THSD7B: variants seen among roughly 807,000 people sequenced by gnomAD.
THSD7B encodes the protein thrombospondin type 1 domain containing 7B.
A neutral mutation model predicts 213.6 loss-of-function variants in THSD7B; 138 were observed. The observed-to-expected ratio is 0.65, with a 90% CI of 0.56 to 0.74. The LOEUF is 0.74. Ranked by LOEUF, THSD7B falls within the 30% of genes least tolerant of loss-of-function variation. The pLI, the probability that THSD7B is intolerant of heterozygous loss-of-function variation, is 0.00. For missense variants in THSD7B, 1,931 were observed against 1,991.5 expected, an observed-to-expected ratio of 0.97 and a Z score of 0.58; for synonymous variants, 742 against 687.0, an observed-to-expected ratio of 1.08 and a Z score of -1.25.
At chr2:136,791,843 G>A (rs577492723) in intron 1 of THSD7B, among the ~76,000 whole-genome samples, 35 of 152,024 alleles carry the variant, frequency 2.3e-4, no homozygotes, top group Non-Finnish European at 4.6e-4. Flanking sequence ...ATGCTGCTAC[G>A]AACATTTATG....
At chr2:137,392,072 A>G (rs781243773) in intron 12 of THSD7B, among the ~76,000 whole-genome samples, 16 of 151,934 alleles carry the variant, frequency 1.1e-4, no homozygotes, top group Non-Finnish European at 1.0e-4. Context: ...TCTTGTTACC[A>G]CCCCTTTCTA....
At chr2:137,015,405 C>A (rs181743708) in intron 2 of THSD7B, among the ~76,000 whole-genome samples, 75 of 152,240 alleles carry the variant, frequency 4.9e-4, no homozygotes, top group Non-Finnish European at 9.7e-4. Context: ...AGTAATCTCT[C>A]ACGTGTCCTC....
chr2:137,564,259 T>C (rs914557144), intron 16 of THSD7B, among the ~76,000 whole-genome samples: 6 of 152,202 alleles, frequency 3.9e-5, no homozygotes, highest in Admixed American at 3.9e-4. Context: ...GTTATGTCAT[T>C]GATTGTTATT....
intron 2 of THSD7B, among the ~76,000 whole-genome samples, chr2:136,956,999 T>G (rs1573733261): frequency 6.6e-6 from 1 of 152,122 alleles, no homozygotes; most frequent in Non-Finnish European, 1.5e-5. Context: ...TTTATTAGGC[T>G]TCTTTAGTGG....
At chr2:136,869,875 T>C (rs1216552671) in intron 1 of THSD7B, among the ~76,000 whole-genome samples, 2 of 152,138 alleles carry the variant, frequency 1.3e-5, no homozygotes. Flanking sequence ...AGTTTGAGCC[T>C]GGCATGGCCA....
At chr2:137,661,768 T>C (rs566413176) in intron 25 of THSD7B, among the ~76,000 whole-genome samples, 1 of 152,156 alleles carries the variant, frequency 6.6e-6, no homozygotes, top group South Asian at 2.1e-4. Context: ...GTAGAGGTCG[T>C]TTTCCCTCTC....
chr2:137,267,278 T>C (rs913070089), intron 10 of THSD7B, among the ~76,000 whole-genome samples: 28 of 152,342 alleles, frequency 1.8e-4, no homozygotes, highest in African/African-American at 6.7e-4. Flanking sequence ...TTATTAGTCA[T>C]AATCATGCTT....
intron 2 of THSD7B, among the ~76,000 whole-genome samples, chr2:137,026,711 C>A (rs1465434991): frequency 6.6e-6 from 1 of 152,160 alleles, no homozygotes; most frequent in Non-Finnish European, 1.5e-5. Context: ...CCATCTGAAA[C>A]AATATATTTG....
chr2:137,442,212 A>G (rs1447028740), intron 14 of THSD7B, among the ~76,000 whole-genome samples: 2 of 152,156 alleles, frequency 1.3e-5, no homozygotes, highest in Non-Finnish European at 2.9e-5. Context: ...AAATATATAT[A>G]TATAAGCTCA....
chr2:137,175,984 T>A (rs958379156), intron 7 of THSD7B, among the ~76,000 whole-genome samples: 3 of 152,250 alleles, frequency 2.0e-5, no homozygotes, highest in Non-Finnish European at 4.4e-5. Flanking sequence ...TTTTAAACTC[T>A]TCGATTATGT....
chr2:137,136,738 C>T (rs1000128166), intron 5 of THSD7B, among the ~76,000 whole-genome samples: 7 of 152,194 alleles, frequency 4.6e-5, no homozygotes, highest in African/African-American at 1.7e-4. Context: ...ACATTATCAT[C>T]CTCCAAACTC....
chr2:137,462,986 G>T (rs576176650), intron 15 of THSD7B, among the ~76,000 whole-genome samples: 1 of 152,236 alleles, frequency 6.6e-6, no homozygotes, highest in African/African-American at 2.4e-5. Flanking sequence ...TCCATGCATA[G>T]TAATACAGGG....
chr2:136,936,870 A>C (rs760063786), intron 2 of THSD7B, among the ~76,000 whole-genome samples: 2 of 152,064 alleles, frequency 1.3e-5, no homozygotes, highest in African/African-American at 2.4e-5. Context: ...TCCCTCAACT[A>C]CATCTTCCTA....
chr2:137,382,988 G>A (rs1429101869), intron 12 of THSD7B, among the ~76,000 whole-genome samples: 2 of 152,208 alleles, frequency 1.3e-5, no homozygotes, highest in African/African-American at 4.8e-5. Flanking sequence ...CCAATGGGCT[G>A]AGTTTAGAGC....
chr2:136,938,875 A>G (rs938267200), intron 2 of THSD7B, among the ~76,000 whole-genome samples: 2 of 152,170 alleles, frequency 1.3e-5, no homozygotes, highest in Admixed American at 1.3e-4. Context: ...CCAAAATAGG[A>G]TATTTATTCT....
intron 12 of THSD7B, among the ~76,000 whole-genome samples, chr2:137,342,397 T>G (rs1184432270): frequency 3.2e-3 from 9 of 2,818 alleles, no homozygotes; most frequent in Non-Finnish European, 0.023. Flanking sequence ...TAACAGGGGT[T>G]TTTTTTTTGG....
chr2:137,305,540 A>G (rs1683721541), intron 12 of THSD7B, among the ~76,000 whole-genome samples: 1 of 152,162 alleles, frequency 6.6e-6, no homozygotes, highest in Non-Finnish European at 1.5e-5. Context: ...AGAGTTAAAC[A>G]TAACTTGGAG....
chr2:137,636,430 A>G (rs1682833482), intron 20 of THSD7B, among the ~76,000 whole-genome samples: 2 of 152,258 alleles, frequency 1.3e-5, no homozygotes, highest in Non-Finnish European at 2.9e-5. Flanking sequence ...CAGCTATCAT[A>G]AAATTATGTA....
At chr2:136,897,494 G>A (rs1472158334) in intron 2 of THSD7B, among the ~76,000 whole-genome samples, 2 of 152,228 alleles carry the variant, frequency 1.3e-5, no homozygotes, top group African/African-American at 2.4e-5. Flanking sequence ...GAGTGAAGCC[G>A]CAGACCCTCG....
Sources: gnomAD v4.1 joint callset for allele counts (sites outside exome capture counted in the v4.1 genomes callset) on GRCh38, gnomAD v4.1.1 for gene constraint, MANE v1.5 for transcripts, NCBI Gene and HGNC (gene_info 2026-07-23, HGNC 2026-07-21) for gene names.